The following IGSF21 variants were observed in gnomAD, a reference collection of about 807,000 sequenced individuals.
The protein encoded by IGSF21 is immunoglobulin superfamily member 21.
IGSF21 carries 28 observed loss-of-function variants against 46.8 expected under a neutral mutation model. The ratio of observed to expected loss-of-function variants is 0.60; its 90% CI spans 0.44 to 0.82. IGSF21 has a LOEUF of 0.82. Among genes scored for constraint, IGSF21 ranks in the 40% least tolerant of loss-of-function variants. The pLI, the probability that IGSF21 is intolerant of heterozygous loss-of-function variation, is 0.00. For missense variants in IGSF21, 624 were observed against 665.5 expected (o/e 0.94, Z 0.69); for synonymous variants, 284 against 273.6 (o/e 1.04, Z -0.38).
Position 18,376,367 on chromosome 1 carries a change from C to T in IGSF21, c.1073C>T (p.Thr358Ile). The T allele has an allele frequency of 6.2e-7, 1 of 1,613,950 alleles. No individual in the cohort carries two copies. The highest frequency in any genetic ancestry group is 8.5e-7 in the Non-Finnish European group (1 of 1,179,890). ...CCCAGCAGAGCCCGGGTAGGGGACA[C>T]AGTGAGGATTCTGGTCCATGGGTTT... ...MTPSRARVGD[T>I]VRILVHGFQN... Residue 358 changes from threonine (T) to isoleucine (I), a missense_variant, in exon 7 of 10, where the codon ACA becomes ATA. Thr to Ile is a moderately conservative substitution (Grantham distance 89). Coordinates refer to ENST00000251296, the MANE Select transcript of IGSF21 (RefSeq NM_032880.5).
intron 1 of IGSF21, among the ~76,000 whole-genome samples, chr1:18,172,201 T>G (rs2124459951): frequency 6.6e-6 from 1 of 152,360 alleles, no homozygotes; most frequent in South Asian, 2.1e-4. Context: ...CAACATTGTT[T>G]AAACCAAATT....
rs138530975 is a variant in IGSF21 at position 18,366,107 on chromosome 1, G to C, written c.1015+410G>C. Among the ~76,000 whole-genome samples the C allele has an allele frequency of 2.6e-5, 4 of 152,162 alleles. No homozygotes were observed. The East Asian group carries it at 7.8e-4, about 30-fold the overall frequency. On this transcript the variant is annotated intron_variant, in intron 6 of 9. Coordinates refer to ENST00000251296, the MANE Select transcript of IGSF21 (RefSeq NM_032880.5). The stretch of plus-strand genomic sequence containing the variant: ...GTTGGGTCAGGAACATAAGAGGTTG[G>C]GGAAAAGCAAGGGAGTCACTGGGCT...
At chr1:18,254,878 C>G (rs1228270872) in intron 2 of IGSF21, among the ~76,000 whole-genome samples, 1 of 152,128 alleles carries the variant, frequency 6.6e-6, no homozygotes, top group Non-Finnish European at 1.5e-5. Context: ...ATCCATCCAT[C>G]CATCCATCCA....
intron 2 of IGSF21, among the ~76,000 whole-genome samples, chr1:18,288,447 G>A (rs1343229222): frequency 2.6e-5 from 4 of 152,220 alleles, no homozygotes; most frequent in Non-Finnish European, 5.9e-5. Context: ...TTGTGAATAA[G>A]GTCGTAATGG....
chr1:18,356,126 C>A (rs1288043153), intron 4 of IGSF21, among the ~76,000 whole-genome samples: 1 of 152,206 alleles, frequency 6.6e-6, no homozygotes, highest in Non-Finnish European at 1.5e-5. Context: ...TCAGCCCCTG[C>A]ACCTGGCCTA....
chr1:18,346,513 G>A (rs552540557), intron 4 of IGSF21, among the ~76,000 whole-genome samples: 3 of 152,146 alleles, frequency 2.0e-5, no homozygotes, highest in African/African-American at 4.8e-5. Flanking sequence ...TGCAGTGGCC[G>A]GACATAAGAG....
At chr1:18,245,371 A>G (rs1358341469) in intron 2 of IGSF21, among the ~76,000 whole-genome samples, 1 of 152,146 alleles carries the variant, frequency 6.6e-6, no homozygotes, top group Non-Finnish European at 1.5e-5. Context: ...TTGAGCCTCC[A>G]TTGGGTTTTT....
At chr1:18,126,154 C>T (rs566999647) in intron 1 of IGSF21, among the ~76,000 whole-genome samples, 2 of 152,228 alleles carry the variant, frequency 1.3e-5, no homozygotes, top group South Asian at 2.1e-4. Context: ...CTTTGGGAGG[C>T]GAGAATGTGG....
At chr1:18,254,280 G>A (rs1221663286) in intron 2 of IGSF21, among the ~76,000 whole-genome samples, 1 of 145,366 alleles carries the variant, frequency 6.9e-6, no homozygotes, top group Non-Finnish European at 1.5e-5. Context: ...ATTCCTTGAA[G>A]TCCAGAGGCC....
intron 3 of IGSF21, among the ~76,000 whole-genome samples, chr1:18,307,989 G>T (rs1318237731): frequency 6.6e-6 from 1 of 152,120 alleles, no homozygotes; most frequent in African/African-American, 2.4e-5. Context: ...AGGAGAAAAG[G>T]TCATCGCATC....
chr1:18,166,128 T>C (rs1156421480), intron 1 of IGSF21, among the ~76,000 whole-genome samples: 1 of 152,224 alleles, frequency 6.6e-6, no homozygotes, highest in Non-Finnish European at 1.5e-5. Flanking sequence ...CAAGTGCTAT[T>C]TCTTTACAGA....
intron 4 of IGSF21, among the ~76,000 whole-genome samples, chr1:18,347,337 G>A (rs546692054): frequency 5.9e-5 from 9 of 152,300 alleles, no homozygotes; most frequent in African/African-American, 1.9e-4. Context: ...CAGGAGACAT[G>A]CCCACTGTCC....
At chr1:18,227,462 T>G (rs2124506273) in intron 1 of IGSF21, among the ~76,000 whole-genome samples, 1 of 152,070 alleles carries the variant, frequency 6.6e-6, no homozygotes, top group East Asian at 1.9e-4. Flanking sequence ...ATTCATTTCC[T>G]GCAGGACCGA....
intron 1 of IGSF21, among the ~76,000 whole-genome samples, chr1:18,127,590 G>A (rs2086284417): frequency 6.6e-6 from 1 of 152,114 alleles, no homozygotes; most frequent in Admixed American, 6.5e-5. Context: ...ACCGCTTTAA[G>A]TCTCAGTTTT....
At chr1:18,310,449 G>A (rs145794184) in intron 3 of IGSF21, among the ~76,000 whole-genome samples, 21 of 152,282 alleles carry the variant, frequency 1.4e-4, no homozygotes, top group African/African-American at 2.4e-4. Flanking sequence ...TCATTACTAC[G>A]TAGTACTCCA....
intron 3 of IGSF21, among the ~76,000 whole-genome samples, chr1:18,309,373 G>C (rs935944636): frequency 2.0e-5 from 3 of 152,140 alleles, no homozygotes; most frequent in African/African-American, 7.2e-5. Context: ...GGATGCCACT[G>C]TTAACCCCAT....
chr1:18,360,494 G>A (rs923071891), intron 4 of IGSF21, among the ~76,000 whole-genome samples: 2 of 152,134 alleles, frequency 1.3e-5, no homozygotes, highest in Non-Finnish European at 2.9e-5. Context: ...GCACCTCCTG[G>A]CAGCACCTGG....
intron 1 of IGSF21, among the ~76,000 whole-genome samples, chr1:18,173,131 A>G (rs2086757425): frequency 2.0e-5 from 3 of 152,162 alleles, no homozygotes; most frequent in Non-Finnish European, 4.4e-5. Context: ...TACTAAAAAT[A>G]CAAAAAATTA....
intron 1 of IGSF21, among the ~76,000 whole-genome samples, chr1:18,186,336 G>A (rs976146481): frequency 6.6e-6 from 1 of 152,118 alleles, no homozygotes; most frequent in African/African-American, 2.4e-5. Flanking sequence ...TCTGTCTCCT[G>A]CTCTTCCTCC....
Sources: gnomAD v4.1 joint callset for allele counts (sites outside exome capture counted in the v4.1 genomes callset) on GRCh38, gnomAD v4.1.1 for gene constraint, MANE v1.5 for transcripts, NCBI Gene and HGNC (gene_info 2026-07-23, HGNC 2026-07-21) for gene names.